Variants in PARN observed in about 807,000 individuals in gnomAD.
PARN encodes the protein poly(A)-specific ribonuclease.
In PARN, 71 loss-of-function variants were observed where a neutral mutation model predicts 102.8. The observed-to-expected ratio is 0.69, with a 90% CI of 0.57 to 0.84. The LOEUF (loss-of-function observed/expected upper bound fraction) is 0.84. Ranked by LOEUF, PARN falls within the 40% of genes least tolerant of loss-of-function variation. The pLI is 0.00. For missense variants in PARN, 782 were observed against 760.9 expected (o/e 1.03, Z -0.33); for synonymous variants, 261 against 252.9 (o/e 1.03, Z -0.30).
At chr16:14,499,399 T>C (rs1190719097) in intron 21 of PARN, among the ~76,000 whole-genome samples, 2 of 152,202 alleles carry the variant, frequency 1.3e-5, no homozygotes, top group Non-Finnish European at 2.9e-5. Context: ...GAGCGAACTT[T>C]TCCCATTTGC....
intron 22 of PARN, among the ~76,000 whole-genome samples, chr16:14,469,801 G>T (rs75808560): frequency 5.3e-5 from 8 of 151,680 alleles, no homozygotes; most frequent in Admixed American, 5.2e-4. Context: ...CTTTATTTCC[G>T]CTAACACCAC....
chr16:14,534,736 T>C (rs1387360074), intron 21 of PARN, among the ~76,000 whole-genome samples: 1 of 152,140 alleles, frequency 6.6e-6, no homozygotes, highest in Non-Finnish European at 1.5e-5. Context: ...CAAGTTTCTG[T>C]GAAGTTCCCC....
intron 23 of PARN, among the ~76,000 whole-genome samples, chr16:14,445,167 T>A (rs1348821102): frequency 2.0e-5 from 3 of 151,870 alleles, no homozygotes; most frequent in Non-Finnish European, 2.9e-5. Flanking sequence ...AGGAGGTAAG[T>A]AAAGAGAGAC....
intron 22 of PARN, among the ~76,000 whole-genome samples, chr16:14,480,940 A>AAAAT (rs34273832): frequency 0.22 from 33,245 of 148,952 alleles, 4,135 homozygotes; most frequent in East Asian, 0.5. Flanking sequence ...CCTGCCTCAA[A>AAAAT]AAATAAATAA....
intron 21 of PARN, among the ~76,000 whole-genome samples, chr16:14,514,520 T>C (rs1209587179): frequency 6.6e-6 from 1 of 152,100 alleles, no homozygotes; most frequent in African/African-American, 2.4e-5. Context: ...AGGCACAACA[T>C]CATTAAGAAA....
intron 21 of PARN, among the ~76,000 whole-genome samples, chr16:14,503,385 G>C: frequency 6.6e-6 from 1 of 152,166 alleles, no homozygotes; most frequent in East Asian, 1.9e-4. Flanking sequence ...GCGTAATGCA[G>C]TATCTATTTC....
intron 12 of PARN, among the ~76,000 whole-genome samples, chr16:14,599,037 CTTTTTTTTTTTTT>C (rs71150194): frequency 1.4e-4 from 11 of 81,464 alleles, no homozygotes; most frequent in African/African-American, 3.4e-4. Context: ...TTCTCCTCTT[CTTTTTTTTTTTTT>C]TTTTTTTTTT....
At chr16:14,618,697 A>C (rs1476905446) in intron 5 of PARN, among the ~76,000 whole-genome samples, 1 of 151,754 alleles carries the variant, frequency 6.6e-6, no homozygotes, top group East Asian at 1.9e-4. Context: ...CGAACGGATT[A>C]TTCTCCCAAT....
intron 22 of PARN, among the ~76,000 whole-genome samples, chr16:14,481,053 T>A (rs542079938): frequency 6.6e-6 from 1 of 152,174 alleles, no homozygotes; most frequent in Non-Finnish European, 1.5e-5. Flanking sequence ...CATATCAAAC[T>A]TGTACTATAA....
chr16:14,628,893 A>G (rs1972846268), intron 2 of PARN, among the ~76,000 whole-genome samples: 1 of 152,194 alleles, frequency 6.6e-6, no homozygotes, highest in Admixed American at 6.5e-5. Context: ...CTCCCCCTAA[A>G]AAAGGGGAAA....
chr16:14,458,104 T>C (rs1026465076), intron 22 of PARN, among the ~76,000 whole-genome samples: 59 of 152,248 alleles, frequency 3.9e-4, no homozygotes, highest in Non-Finnish European at 5.0e-4. Flanking sequence ...AGAAACTATT[T>C]TGAATATTTC....
chr16:14,579,679 T>C (rs1244282993), intron 18 of PARN, among the ~76,000 whole-genome samples: 1 of 152,128 alleles, frequency 6.6e-6, no homozygotes, highest in Non-Finnish European at 1.5e-5. Context: ...ACAATCATAA[T>C]TGGACCTATA....
intron 21 of PARN, among the ~76,000 whole-genome samples, chr16:14,544,016 G>A (rs942133128): frequency 1.3e-5 from 2 of 152,184 alleles, no homozygotes; most frequent in Non-Finnish European, 2.9e-5. Flanking sequence ...CCAAGATGGA[G>A]AAACCGTCTC....
intron 18 of PARN, among the ~76,000 whole-genome samples, chr16:14,574,247 T>C (rs955761761): frequency 6.6e-6 from 1 of 152,166 alleles, no homozygotes; most frequent in Admixed American, 6.5e-5. Context: ...GCCCTTGCCA[T>C]AGAGATTTGT....
At chr16:14,621,056 A>G (rs1382245112) in intron 5 of PARN, among the ~76,000 whole-genome samples, 1 of 152,256 alleles carries the variant, frequency 6.6e-6, no homozygotes, top group Non-Finnish European at 1.5e-5. Context: ...ACAAACAAAT[A>G]GAAGCACATG....
chr16:14,620,388 A>G (rs1972224544), intron 5 of PARN, among the ~76,000 whole-genome samples: 1 of 152,236 alleles, frequency 6.6e-6, no homozygotes, highest in Admixed American at 6.5e-5. Flanking sequence ...AAAACAAAAA[A>G]CAAAAAACAC....
chr16:14,451,154 C>G (rs760209547), intron 22 of PARN, among the ~76,000 whole-genome samples: 5 of 152,156 alleles, frequency 3.3e-5, no homozygotes, highest in Admixed American at 6.5e-5. Context: ...TGCCCGTCAT[C>G]CCACCAGAAG....
rs373367453 is a variant in PARN at position 14,624,688 on chromosome 16, G to A, written c.327+2418C>T. 5.3e-5 allele frequency among the ~76,000 whole-genome samples: 8 copies of A among 152,000 alleles called. No individual in the cohort carries two copies. The East Asian group carries it at 1.6e-3, about 29-fold the overall frequency. On this transcript the variant is annotated intron_variant, in intron 5 of 23. Transcript: ENST00000437198. ...AACCCTAGCACTTTGGGAGGCCAAAGTGGGAGGATCACCTGAGGTCAGGAG... is the reference window on the plus strand; with the variant it reads ...AACCCTAGCACTTTGGGAGGCCAAAATGGGAGGATCACCTGAGGTCAGGAG...
rs939533497 is a variant in PARN, at chr16:14,553,968, T to G, written c.1405+97A>C. ...AAATTAAAACCTTGAATATTAACATTCTTTTATACGCAGGCCAAAACTATC... is the reference window on the plus strand; with the variant it reads ...AAATTAAAACCTTGAATATTAACATGCTTTTATACGCAGGCCAAAACTATC... On this transcript the variant is annotated intron_variant, in intron 20 of 23. Transcript: ENST00000437198. 4 of 717,780 alleles carry G rather than the reference T, an allele frequency of 5.6e-6. No homozygotes were observed. The African/African-American group carries it at 7.3e-5, about 13-fold the overall frequency. 44.5% of individuals were successfully genotyped at this position (717,780 alleles called of 1,614,324 possible).
Sources: gnomAD v4.1 joint callset for allele counts (sites outside exome capture counted in the v4.1 genomes callset) on GRCh38, gnomAD v4.1.1 for gene constraint, MANE v1.5 for transcripts, NCBI Gene and HGNC (gene_info 2026-07-23, HGNC 2026-07-21) for gene names.